NOC3L: variants seen among roughly 807,000 people sequenced by gnomAD.
NOC3L encodes NOC3 like DNA replication regulator.
NOC3L carries 85 observed loss-of-function variants against 102.5 expected under a neutral mutation model. The ratio of observed to expected loss-of-function variants is 0.83; its 90% CI spans 0.70 to 0.99. The LOEUF (loss-of-function observed/expected upper bound fraction) is 0.99, where lower values mean the gene tolerates loss of function less well. Among genes scored for constraint, NOC3L ranks in the 50% least tolerant of loss-of-function variants. NOC3L has a pLI of 0.00. For synonymous variants in NOC3L, 303 were observed against 309.4 expected (o/e 0.98, Z 0.22); for missense variants, 878 against 914.9 (o/e 0.96, Z 0.52).
the NOC3L span, among the ~76,000 whole-genome samples, chr10:94,318,555 CT>C: frequency 6.6e-6 from 1 of 152,148 alleles, no homozygotes; most frequent in African/African-American, 2.4e-5. Context: ...AAGTCTATGG[CT>C]TCCAGGTCAG....
chr10:94,316,558 T>C, the NOC3L span: 27 of 1,606,124 alleles, frequency 1.7e-5, no homozygotes, highest in Non-Finnish European at 2.2e-5. Flanking sequence ...TTCTGACAAA[T>C]GAACAAGACA....
chr10:94,315,850 C>T, the NOC3L span, among the ~76,000 whole-genome samples: 9 of 151,382 alleles, frequency 5.9e-5, no homozygotes, highest in Non-Finnish European at 1.2e-4. Context: ...ATGATTTATG[C>T]TTCAACCATA....
At chr10:94,342,553 TACACACACACACACAC>T (rs3052367) in intron 13 of NOC3L, among the ~76,000 whole-genome samples, 2 of 148,078 alleles carry the variant, frequency 1.4e-5, no homozygotes, top group African/African-American at 2.5e-5. Flanking sequence ...TGCATGAAGA[TACACACACACACACAC>T]ACACACACAC....
In NOC3L at chr10:94,355,131, C is replaced by G. The variant is rs1447413902; in HGVS notation, c.566-38G>C. The G allele has an allele frequency of 2.0e-6, 3 of 1,533,618 alleles. No individual in the cohort carries two copies. In the African/African-American group the frequency reaches 4.1e-5, roughly 21 times the overall value. ...AGATGTTCCCTTACATATTCCTCTG[C>G]TTACAAGTATCCAAGAATCTTAATA... is the stretch of plus-strand genomic sequence containing the variant. On this transcript the variant is annotated intron_variant, in intron 5 of 20. Transcript: ENST00000371361.
intron 1 of NOC3L, among the ~76,000 whole-genome samples, chr10:94,362,463 A>T (rs1235263803): frequency 6.6e-6 from 1 of 152,186 alleles, no homozygotes; most frequent in Non-Finnish European, 1.5e-5. Context: ...AACCAGGACA[A>T]ATCACTTGCT....
chr10:94,321,853 T>C, the NOC3L span: 2 of 1,447,744 alleles, frequency 1.4e-6, no homozygotes, highest in East Asian at 2.3e-5. Flanking sequence ...TCTTTCTTTA[T>C]TCTGCATAAA....
chr10:94,344,141 A>G (rs2054316637), intron 13 of NOC3L, among the ~76,000 whole-genome samples: 1 of 152,246 alleles, frequency 6.6e-6, no homozygotes, highest in Admixed American at 6.5e-5. Context: ...CACAGTGCAG[A>G]AAGAGTCAAG....
At chr10:94,316,577 G>C in the NOC3L span, 1 of 1,608,860 alleles carries the variant, frequency 6.2e-7, no homozygotes, top group South Asian at 1.1e-5. Flanking sequence ...CATCAAACCT[G>C]TTACCACAGA....
intron 5 of NOC3L, among the ~76,000 whole-genome samples, chr10:94,355,391 C>T (rs2054471543): frequency 7.2e-6 from 1 of 139,624 alleles, no homozygotes; most frequent in African/African-American, 2.6e-5. Flanking sequence ...GATTCTAGAA[C>T]TTTTTTTTTT....
chr10:94,317,375 T>A, the NOC3L span, among the ~76,000 whole-genome samples: 4 of 152,306 alleles, frequency 2.6e-5, no homozygotes, highest in African/African-American at 7.2e-5. Flanking sequence ...TCATCAGCTA[T>A]GGGTCCAGTA....
chr10:94,345,654 T>C (rs1417266539), intron 11 of NOC3L, among the ~76,000 whole-genome samples: 18 of 152,196 alleles, frequency 1.2e-4, no homozygotes, highest in Admixed American at 1.1e-3. Context: ...GATAGTATAA[T>C]ATAAATAGTT....
intron 18 of NOC3L, 117 bp downstream of exon 18, chr10:94,338,491 G>A: frequency 8.7e-7 from 1 of 1,153,984 alleles, no homozygotes; most frequent in Non-Finnish European, 1.2e-6. Flanking sequence ...TCTAAAAAAG[G>A]CAGCCCCAGA....
rs1235786964 is a variant in NOC3L at position 94,354,858 on chromosome 10, T to C, written c.696+105A>G. On this transcript the variant is annotated intron_variant, in intron 6 of 20. Transcript: ENST00000371361. ...TAACCCAGCTACTATGTTTAGTTAA[T>C]GCTTTTCCTTTTAGTGTATGCTTAT... 14 of 1,119,948 alleles carry C rather than the reference T, an allele frequency of 1.3e-5. No homozygotes were observed. The Admixed American group carries it at 2.7e-4, about 21-fold the overall frequency. 69.4% of individuals were successfully genotyped at this position (1,119,948 alleles called of 1,614,324 possible).
chr10:94,347,390 A>G (rs1165917086), intron 10 of NOC3L, among the ~76,000 whole-genome samples: 2 of 152,198 alleles, frequency 1.3e-5, no homozygotes, highest in Non-Finnish European at 2.9e-5. Flanking sequence ...TGTGCTCAAA[A>G]TATCACCTAC....
At position 94,344,867 on chromosome 10, in the gene NOC3L, T is replaced by C. The variant is rs778452495; in HGVS notation, c.1456A>G (p.Lys486Glu). Reference sequence around the variant, plus strand: ...AAACTGCCTACCAGTTTAAGTTTTTTCTCAGTACTCTCTGAAGCTTCTGCC... The same window carrying C: ...AAACTGCCTACCAGTTTAAGTTTTTCCTCAGTACTCTCTGAAGCTTCTGCC... The part of the protein sequence containing the change: ...REAEASESTE[K>E]KLKLHTETLN... Residue 486 changes from lysine to glutamate, a missense_variant, in exon 12 of 21, where the codon AAA (lysine) becomes GAA (glutamate). Physicochemically the swap from Lys to Glu is moderately conservative, Grantham distance 56. Coordinates refer to ENST00000371361, the MANE Select transcript of NOC3L (RefSeq NM_022451.11). The C allele has an allele frequency of 5.0e-5, 80 of 1,605,980 alleles. No individual in the cohort carries two copies. The highest frequency in any genetic ancestry group is 6.5e-5 in the Non-Finnish European group (76 of 1,178,094).
At chr10:94,321,925 C>A in the NOC3L span, 2 of 1,613,428 alleles carry the variant, frequency 1.2e-6, no homozygotes, top group East Asian at 4.5e-5. Context: ...AAACATTGTT[C>A]AAGATGACAA....
the NOC3L span, chr10:94,324,805 G>A: frequency 3.0e-6 from 4 of 1,351,212 alleles, no homozygotes; most frequent in Non-Finnish European, 4.2e-6. Flanking sequence ...CTAGAGAGAA[G>A]AGGAAAGCGC....
chr10:94,323,456 CTTAT>C, the NOC3L span, among the ~76,000 whole-genome samples: 1 of 152,218 alleles, frequency 6.6e-6, no homozygotes, highest in Non-Finnish European at 1.5e-5. Flanking sequence ...GATAAAAGCC[CTTAT>C]TTATTTCTTT....
intron 16 of NOC3L, 144 bp downstream of exon 16, chr10:94,340,132 A>G (rs780201415): frequency 3.8e-5 from 30 of 785,950 alleles, no homozygotes; most frequent in Non-Finnish European, 5.9e-5. Flanking sequence ...CAAGTCTTAC[A>G]TAAGATTAAA....
Sources: gnomAD v4.1 joint callset for allele counts (sites outside exome capture counted in the v4.1 genomes callset) on GRCh38, gnomAD v4.1.1 for gene constraint, MANE v1.5 for transcripts, NCBI Gene and HGNC (gene_info 2026-07-23, HGNC 2026-07-21) for gene names.